Variants in TMEM232 observed in about 807,000 individuals in gnomAD.
The protein encoded by TMEM232 is transmembrane protein 232.
In TMEM232, 80 loss-of-function variants were observed where a neutral mutation model predicts 78.8. The observed-to-expected ratio is 1.01, with a 90% CI of 0.85 to 1.22. The LOEUF is 1.22. Ranked by LOEUF, TMEM232 falls within the 50% of genes most tolerant of loss-of-function variation. The probability of loss-of-function intolerance (pLI) is 0.00; values close to 1 mark genes in which losing one functional copy is unlikely to be tolerated. For missense variants in TMEM232, 881 were observed against 742.2 expected (o/e 1.19, Z -2.17); for synonymous variants, 297 against 254.3 (o/e 1.17, Z -1.60).
chr5:110,393,708 G>A (rs1370873728), intron 3 of TMEM232, among the ~76,000 whole-genome samples: 2 of 152,020 alleles, frequency 1.3e-5, no homozygotes, highest in Non-Finnish European at 2.9e-5. Context: ...TGTAATCCTA[G>A]CATTTTGAGA....
upstream of TMEM232, among the ~76,000 whole-genome samples, chr5:110,729,110 C>G (rs1798431099): frequency 6.6e-6 from 1 of 152,130 alleles, no homozygotes. Flanking sequence ...ATCTCGAACT[C>G]CTGACCTCAG....
chr5:110,490,768 T>C (rs903767151), intron 12 of TMEM232, among the ~76,000 whole-genome samples: 2 of 152,106 alleles, frequency 1.3e-5, no homozygotes, highest in African/African-American at 4.8e-5. Context: ...CAACTTGATA[T>C]CCACTTACAA....
intron 12 of TMEM232, among the ~76,000 whole-genome samples, chr5:110,490,325 T>C (rs1023410249): frequency 1.3e-5 from 2 of 152,082 alleles, no homozygotes; most frequent in African/African-American, 4.8e-5. Context: ...AGTACAAGAC[T>C]TATACACTAA....
intron 2 of TMEM232, among the ~76,000 whole-genome samples, chr5:110,655,217 C>T (rs897804913): frequency 3.3e-5 from 5 of 151,900 alleles, no homozygotes; most frequent in African/African-American, 1.2e-4. Flanking sequence ...AGAAAAAAAA[C>T]AAACAACCCC....
At chr5:110,533,426 T>C (rs1056424013) in intron 11 of TMEM232, among the ~76,000 whole-genome samples, 11 of 152,212 alleles carry the variant, frequency 7.2e-5, no homozygotes, top group Admixed American at 1.3e-4. Context: ...CCGCACCCTG[T>C]AGCCTGTCCA....
At chr5:110,556,376 C>CCTTT (rs1250152416) in intron 11 of TMEM232, among the ~76,000 whole-genome samples, 6 of 146,500 alleles carry the variant, frequency 4.1e-5, no homozygotes, top group Non-Finnish European at 9.0e-5. Context: ...TTCCTTCCTT[C>CCTTT]CTTTCTTTCT....
intron 2 of TMEM232, among the ~76,000 whole-genome samples, chr5:110,656,577 C>T (rs989604899): frequency 1.3e-5 from 2 of 152,160 alleles, no homozygotes; most frequent in African/African-American, 4.8e-5. Context: ...CAGTGGCTCA[C>T]GCCTATAATC....
At chr5:110,690,916 T>G (rs1419385051) in intron 1 of TMEM232, among the ~76,000 whole-genome samples, 1 of 150,788 alleles carries the variant, frequency 6.6e-6, no homozygotes, top group African/African-American at 2.4e-5. Flanking sequence ...TAAGTGGGAG[T>G]TGAACAATGA....
intron 11 of TMEM232, among the ~76,000 whole-genome samples, chr5:110,553,616 G>C (rs74982156): frequency 0.012 from 1,893 of 152,260 alleles, 39 homozygotes; most frequent in African/African-American, 0.043. Flanking sequence ...AGATCTAAAA[G>C]TCCTTGGAAA....
At chr5:110,455,688 T>G (rs920251803) in intron 12 of TMEM232, among the ~76,000 whole-genome samples, 1 of 152,124 alleles carries the variant, frequency 6.6e-6, no homozygotes, top group Admixed American at 6.5e-5. Flanking sequence ...CATGTAGATA[T>G]AAACTTTTAA....
intron 1 of TMEM232, among the ~76,000 whole-genome samples, chr5:110,695,911 C>T (rs150288382): frequency 0.086 from 13,063 of 152,120 alleles, 580 homozygotes; most frequent in Admixed American, 0.12. Flanking sequence ...GAAACTATTC[C>T]AATCGATAGA....
chr5:110,704,179 A>C (rs1410087113), intron 1 of TMEM232, among the ~76,000 whole-genome samples: 1 of 152,118 alleles, frequency 6.6e-6, no homozygotes, highest in Non-Finnish European at 1.5e-5. Context: ...TAGACATAGG[A>C]CTATGTTTAT....
intron 12 of TMEM232, among the ~76,000 whole-genome samples, chr5:110,467,914 C>G (rs1413582073): frequency 6.6e-6 from 1 of 151,886 alleles, no homozygotes; most frequent in East Asian, 1.9e-4. Context: ...CTTCTATACT[C>G]TTTGGCTTTG....
chr5:110,544,319 G>A (rs1238680596), intron 11 of TMEM232, among the ~76,000 whole-genome samples: 1 of 151,592 alleles, frequency 6.6e-6, no homozygotes, highest in Non-Finnish European at 1.5e-5. Context: ...CCAAAGGCAG[G>A]AACAGAAGCT....
At chr5:110,536,190 C>T (rs563538358) in intron 11 of TMEM232, among the ~76,000 whole-genome samples, 7 of 152,320 alleles carry the variant, frequency 4.6e-5, no homozygotes, top group Admixed American at 1.3e-4. Context: ...TGCAGGTTTC[C>T]GGCTGGGGCC....
chr5:110,528,084 GA>G, intron 12 of TMEM232, among the ~76,000 whole-genome samples: 1 of 151,798 alleles, frequency 6.6e-6, no homozygotes, highest in Non-Finnish European at 1.5e-5. Flanking sequence ...AAATAAATCT[GA>G]AAATTATTCA....
Position 110,568,511 on chromosome 5 carries a change from G to T in TMEM232, c.1391C>A (p.Thr464Lys). The T allele has an allele frequency of 6.5e-7, 1 of 1,548,684 alleles. No individual in the cohort carries two copies. ...QDGLRNMIWQTLQKTKDYEED... is the reference protein window; with the variant it reads ...QDGLRNMIWQKLQKTKDYEED... ...CTCATAATCCTTTGTTTTCTGCAAT[G>T]TTTGCCATATCATGTTTCTAAGTCC... Residue 464 changes from threonine (T) to lysine (K), a missense_variant, in exon 11 of 14, where the codon ACA becomes AAA. Transcript: ENST00000455884.
chr5:110,483,647 T>C (rs1191178450), intron 12 of TMEM232, among the ~76,000 whole-genome samples: 1 of 151,856 alleles, frequency 6.6e-6, no homozygotes, highest in Non-Finnish European at 1.5e-5. Flanking sequence ...ATACCTAATG[T>C]TAAATGATGA....
chr5:110,531,353 T>C (rs1001288350), intron 11 of TMEM232, among the ~76,000 whole-genome samples: 1 of 152,246 alleles, frequency 6.6e-6, no homozygotes, highest in Non-Finnish European at 1.5e-5. Context: ...GTGACTCGGA[T>C]TGGGGGACCT....
Sources: allele counts gnomAD v4.1 joint callset (sites outside exome capture counted in the v4.1 genomes callset), GRCh38; gene constraint gnomAD v4.1.1; transcripts MANE v1.5; gene names NCBI Gene and HGNC (gene_info 2026-07-23, HGNC 2026-07-21).